Variants in PPP3CA observed in about 807,000 individuals in gnomAD.
PPP3CA encodes the protein CAM-PRP catalytic subunit.
A neutral mutation model predicts 66.5 loss-of-function variants in PPP3CA; 14 were observed. That is an observed-to-expected ratio of 0.21 (90% CI 0.14 to 0.33). The LOEUF is 0.33. Ranked by LOEUF, PPP3CA falls within the 10% of genes least tolerant of loss-of-function variation. The probability of loss-of-function intolerance (pLI) is 1.00; values close to 1 mark genes in which losing one functional copy is unlikely to be tolerated. For synonymous variants in PPP3CA, 232 were observed against 226.2 expected (o/e 1.03, Z -0.23); for missense variants, 317 against 639.5 (o/e 0.50, Z 5.44).
At chr4:101,336,685 A>C (rs143975658) in intron 1 of PPP3CA, among the ~76,000 whole-genome samples, 2 of 152,374 alleles carry the variant, frequency 1.3e-5, no homozygotes, top group East Asian at 3.9e-4. Flanking sequence ...TGCTAAGAAC[A>C]AGTAATATAT....
chr4:101,331,139 C>A (rs1003667586), intron 1 of PPP3CA, among the ~76,000 whole-genome samples: 39 of 152,126 alleles, frequency 2.6e-4, no homozygotes, highest in African/African-American at 8.4e-4. Context: ...CTGACACCAT[C>A]TAATATATTT....
intron 10 of PPP3CA, among the ~76,000 whole-genome samples, chr4:101,047,628 CAT>C (rs1227268929): frequency 6.6e-6 from 1 of 152,020 alleles, no homozygotes; most frequent in Non-Finnish European, 1.5e-5. Flanking sequence ...AAAATATATA[CAT>C]GTTTTAAATT....
At position 101,346,892 on chromosome 4, in the gene PPP3CA, C is replaced by T; in HGVS notation, c.-96G>A. 1 of 1,414,800 alleles carries T rather than the reference C, an allele frequency of 7.1e-7. No individual in the cohort carries two copies. The highest frequency in any genetic ancestry group is 9.7e-7 in the Non-Finnish European group (1 of 1,030,352). The allele number at this position is 1,414,800 out of a possible 1,614,324, so 87.6% of individuals were successfully genotyped here. A position where few individuals can be genotyped will look rare whatever the true frequency, so the allele number is the denominator to read the frequency against. On this transcript the variant is annotated 5_prime_UTR_variant, in exon 1 of 14. Transcript: ENST00000394854. ...CAGACACTCAACGCCGCCGCCGCCG[C>T]CGCCGCCGCCGCGCTGCAAACCGCT...
chr4:101,155,429 T>C (rs1723286787), intron 2 of PPP3CA, among the ~76,000 whole-genome samples: 1 of 152,222 alleles, frequency 6.6e-6, no homozygotes, highest in African/African-American at 2.4e-5. Flanking sequence ...TTGGATTGGC[T>C]TCAAGAAAGA....
At chr4:101,280,047 A>C (rs974683217) in intron 1 of PPP3CA, among the ~76,000 whole-genome samples, 3 of 152,216 alleles carry the variant, frequency 2.0e-5, no homozygotes, top group African/African-American at 7.2e-5. Flanking sequence ...AATGTATATT[A>C]ATTGAGCACT....
chr4:101,065,358 G>A (rs1728637890), intron 8 of PPP3CA, among the ~76,000 whole-genome samples: 1 of 151,946 alleles, frequency 6.6e-6, no homozygotes, highest in South Asian at 2.1e-4. Flanking sequence ...AATCTTTAAG[G>A]CTCTAAATTG....
chr4:101,212,023 C>T (rs973037161), intron 1 of PPP3CA, among the ~76,000 whole-genome samples: 60 of 152,182 alleles, frequency 3.9e-4, no homozygotes, highest in African/African-American at 1.4e-3. Context: ...TGAGACCACA[C>T]TTGCAAAAGT....
intron 1 of PPP3CA, among the ~76,000 whole-genome samples, chr4:101,202,086 A>G (rs1724982907): frequency 6.6e-6 from 1 of 152,194 alleles, no homozygotes; most frequent in Non-Finnish European, 1.5e-5. Context: ...AGATGATGAG[A>G]AAAAAATATA....
chr4:101,092,203 T>C (rs959712002), intron 6 of PPP3CA, among the ~76,000 whole-genome samples: 2 of 152,104 alleles, frequency 1.3e-5, no homozygotes, highest in African/African-American at 4.8e-5. Flanking sequence ...CAACTTGGCT[T>C]GTCAAAGTCC....
At position 101,347,236 on chromosome 4, in the gene PPP3CA, C is replaced by CG; in HGVS notation, c.-441dup. The CG allele has an allele frequency of 9.3e-6, 2 of 214,896 alleles. No individual in the cohort carries two copies. The highest frequency in any genetic ancestry group is 1.2e-4 in the South Asian group (2 of 17,010). The allele number at this position is 214,896 out of a possible 1,614,324, so 13.3% of individuals were successfully genotyped here. ...TTAAGACCGATCACATGGGGAAGGC[C>CG]GGGGGCGAGGGAGGAGAGGCAGGGC... is the stretch of plus-strand genomic sequence containing the variant. On this transcript the variant is annotated 5_prime_UTR_variant, in exon 1 of 14. Transcript: ENST00000394854.
At chr4:101,128,306 G>A (rs943330253) in intron 2 of PPP3CA, among the ~76,000 whole-genome samples, 1 of 152,122 alleles carries the variant, frequency 6.6e-6, no homozygotes, top group Non-Finnish European at 1.5e-5. Flanking sequence ...ATAAATGTTT[G>A]TGATGATGGA....
chr4:101,289,805 A>G lies in PPP3CA; in HGVS notation c.58+56934T>C, dbSNP rs142214604. Among the ~76,000 whole-genome samples, 1,456 of 152,026 alleles carry G rather than the reference A, an allele frequency of 9.6e-3. 24 individuals are homozygous for G. Among genetic ancestry groups the G allele is most frequent in the Non-Finnish European group, 0.011 (751 of 68,000 alleles). On this transcript the variant is annotated intron_variant, in intron 1 of 13. Transcript: ENST00000394854. The stretch of plus-strand genomic sequence containing the variant: ...ACTTCTGTGAATCTGTCTCATTCAA[A>G]TGTCACTTGATTCCAGTTATATATT...
chr4:101,043,875 C>CA (rs1019485326), intron 10 of PPP3CA, among the ~76,000 whole-genome samples: 19 of 145,942 alleles, frequency 1.3e-4, no homozygotes, highest in South Asian at 2.2e-4. Context: ...AACTCCATGT[C>CA]AAAAAAAAAA....
chr4:101,145,744 C>G (rs1162664640), intron 2 of PPP3CA, among the ~76,000 whole-genome samples: 2 of 151,886 alleles, frequency 1.3e-5, no homozygotes, highest in African/African-American at 4.8e-5. Flanking sequence ...CTGGAAAGCA[C>G]TCAGAATTTA....
chr4:101,276,244 T>C (rs1215850372), intron 1 of PPP3CA, among the ~76,000 whole-genome samples: 1 of 151,954 alleles, frequency 6.6e-6, no homozygotes, highest in Non-Finnish European at 1.5e-5. Flanking sequence ...TATTAAACAA[T>C]GAAGGAAACA....
intron 2 of PPP3CA, among the ~76,000 whole-genome samples, chr4:101,113,352 G>A (rs1459894719): frequency 6.6e-6 from 1 of 152,100 alleles, no homozygotes; most frequent in Non-Finnish European, 1.5e-5. Flanking sequence ...GCCTCTCATA[G>A]CACACACAGC....
At chr4:101,064,064 TTAA>T (rs1247068987) in intron 8 of PPP3CA, among the ~76,000 whole-genome samples, 1 of 151,970 alleles carries the variant, frequency 6.6e-6, no homozygotes, top group Admixed American at 6.6e-5. Context: ...CTTTCTTGAC[TTAA>T]TAAAATAAAA....
intron 2 of PPP3CA, among the ~76,000 whole-genome samples, chr4:101,131,237 A>AAAATAAAT (rs140632196): frequency 0.013 from 1,825 of 138,660 alleles, 26 homozygotes; most frequent in African/African-American, 0.029. Context: ...ACTCCGTCTC[A>AAAATAAAT]AAATAAATAA....
rs11420114 is a variant in PPP3CA at position 101,104,454 on chromosome 4, AT to A, written c.384+4499del. On this transcript the variant is annotated intron_variant, in intron 3 of 13. Coordinates refer to ENST00000394854, the MANE Select transcript of PPP3CA (RefSeq NM_000944.5). ...GTGTGTACCAGTTTCTGCATTACTGATTTTTTTTTTTCGTGGTGCTTTGTGG... is the reference window on the plus strand; with the variant it reads ...GTGTGTACCAGTTTCTGCATTACTGATTTTTTTTTTCGTGGTGCTTTGTGG... 2.6e-3 allele frequency among the ~76,000 whole-genome samples: 394 copies of A among 148,906 alleles called. 2 individuals carry two copies. The highest frequency in any genetic ancestry group is 8.8e-3 in the African/African-American group (358 of 40,640).
Sources: gnomAD v4.1 joint callset for allele counts (sites outside exome capture counted in the v4.1 genomes callset) on GRCh38, gnomAD v4.1.1 for gene constraint, MANE v1.5 for transcripts, NCBI Gene and HGNC (gene_info 2026-07-23, HGNC 2026-07-21) for gene names.